TSPAN18: variants seen among roughly 807,000 people sequenced by gnomAD.
TSPAN18 encodes tetraspanin-18.
A neutral mutation model predicts 27.3 loss-of-function variants in TSPAN18; 14 were observed. That is an observed-to-expected ratio of 0.51 (90% CI 0.34 to 0.80). The LOEUF (loss-of-function observed/expected upper bound fraction) is 0.80, where lower values mean the gene tolerates loss of function less well. TSPAN18 is among the 30% of genes least tolerant of loss of function. The probability of loss-of-function intolerance (pLI) is 0.01; values close to 1 mark genes in which losing one functional copy is unlikely to be tolerated. For missense variants in TSPAN18, 268 were observed against 323.9 expected (o/e 0.83, Z 1.32); for synonymous variants, 143 against 136.5 (o/e 1.05, Z -0.33).
At chr11:44,837,447 T>C (rs1476625783) in intron 2 of TSPAN18, among the ~76,000 whole-genome samples, 2 of 152,326 alleles carry the variant, frequency 1.3e-5, no homozygotes. Flanking sequence ...TGGAAACTAC[T>C]CCTGGTAAAG....
intron 5 of TSPAN18, among the ~76,000 whole-genome samples, chr11:44,917,024 C>T (rs1438740770): frequency 6.6e-6 from 1 of 152,218 alleles, no homozygotes; most frequent in East Asian, 1.9e-4. Context: ...GCGAGTGCTC[C>T]ACCCCGGCTC....
rs192771323 is a variant in TSPAN18 at position 44,739,111 on chromosome 11, C to T, written c.-240+11824C>T. 4.6e-5 allele frequency among the ~76,000 whole-genome samples: 7 copies of T among 152,276 alleles called. No homozygotes were observed. In the East Asian group the frequency reaches 5.8e-4, roughly 13 times the overall value. ...GACTTCTCTCCTGGCCCTTTGCTCC[C>T]GTCCAGCCTTGAATCCCTCGTTTGG... On this transcript the variant is annotated intron_variant, in intron 1 of 9. Coordinates refer to ENST00000520358, the MANE Select transcript of TSPAN18 (RefSeq NM_130783.5).
chr11:44,784,430 A>T (rs1856008762), intron 2 of TSPAN18, among the ~76,000 whole-genome samples: 1 of 151,998 alleles, frequency 6.6e-6, no homozygotes. Context: ...TCCATCCATT[A>T]CCTCTCCACA....
intron 3 of TSPAN18, among the ~76,000 whole-genome samples, chr11:44,884,594 C>T (rs899813702): frequency 6.6e-6 from 1 of 152,232 alleles, no homozygotes; most frequent in African/African-American, 2.4e-5. Context: ...CCAGGAGTCA[C>T]GGCCAGAGCT....
chr11:44,921,153 T>G (rs1405926695), intron 8 of TSPAN18, among the ~76,000 whole-genome samples: 8 of 152,134 alleles, frequency 5.3e-5, no homozygotes, highest in Non-Finnish European at 1.2e-4. Context: ...CCTGCCTTCC[T>G]GCATTGGGGG....
intron 1 of TSPAN18, among the ~76,000 whole-genome samples, chr11:44,739,913 A>G (rs138727826): frequency 4.3e-4 from 66 of 152,288 alleles, no homozygotes; most frequent in African/African-American, 1.5e-3. Context: ...ACCATGGGAC[A>G]TGGGAGAGGC....
At chr11:44,829,217 G>T (rs1172324604) in intron 2 of TSPAN18, among the ~76,000 whole-genome samples, 1 of 152,150 alleles carries the variant, frequency 6.6e-6, no homozygotes, top group East Asian at 1.9e-4. Flanking sequence ...TCCATTAGGG[G>T]TCCCTCTTTG....
chr11:44,885,124 A>G (rs1215494193), intron 3 of TSPAN18, among the ~76,000 whole-genome samples: 1 of 152,132 alleles, frequency 6.6e-6, no homozygotes, highest in African/African-American at 2.4e-5. Context: ...TAGGTATTAT[A>G]TGGCCCCTTA....
intron 1 of TSPAN18, among the ~76,000 whole-genome samples, chr11:44,735,082 G>A (rs529492000): frequency 3.9e-5 from 6 of 152,198 alleles, no homozygotes; most frequent in Admixed American, 2.6e-4. Flanking sequence ...TCTGAGATGC[G>A]CATTCTTCTC....
chr11:44,814,482 C>T (rs563128422), intron 2 of TSPAN18, among the ~76,000 whole-genome samples: 6 of 152,302 alleles, frequency 3.9e-5, no homozygotes, highest in African/African-American at 1.4e-4. Flanking sequence ...AAAGCATTGA[C>T]TAGTCCCAGT....
intron 9 of TSPAN18, among the ~76,000 whole-genome samples, chr11:44,928,723 T>G (rs1405207351): frequency 1.3e-5 from 2 of 151,992 alleles, no homozygotes; most frequent in African/African-American, 2.4e-5. Flanking sequence ...GAGGCAGAGG[T>G]TGCAGTGAGC....
At chr11:44,928,029 C>T (rs1432522929) in intron 9 of TSPAN18, among the ~76,000 whole-genome samples, 2 of 152,204 alleles carry the variant, frequency 1.3e-5, no homozygotes, top group Non-Finnish European at 1.5e-5. Flanking sequence ...TACATGGCCC[C>T]GTCCCGGTAG....
At chr11:44,893,803 G>A (rs539650400) in intron 3 of TSPAN18, among the ~76,000 whole-genome samples, 12 of 152,256 alleles carry the variant, frequency 7.9e-5, no homozygotes, top group South Asian at 4.1e-4. Context: ...ATTGCCTTGC[G>A]TTAATATCAG....
intron 1 of TSPAN18, among the ~76,000 whole-genome samples, chr11:44,762,230 G>T (rs1422216978): frequency 6.6e-6 from 1 of 152,220 alleles, no homozygotes; most frequent in African/African-American, 2.4e-5. Flanking sequence ...ATTCGACACA[G>T]CCATGGTGGG....
intron 4 of TSPAN18, among the ~76,000 whole-genome samples, chr11:44,909,335 T>C (rs1309032284): frequency 1.3e-5 from 2 of 151,972 alleles, no homozygotes; most frequent in African/African-American, 2.4e-5. Flanking sequence ...CTTCAGCAAG[T>C]TGTTGGTTCC....
rs767084063 is a variant in TSPAN18, at chr11:44,909,810, A to G, written c.169A>G (p.Ile57Val). Residue 57 changes from isoleucine to valine, a missense_variant, in exon 5 of 10, where the codon ATC becomes GTC. Physicochemically the swap from Ile to Val is conservative, Grantham distance 29. Coordinates refer to ENST00000520358, the MANE Select transcript of TSPAN18 (RefSeq NM_130783.5). Reference sequence around the variant, plus strand: ...TCCTCTGCTCCTCACGGGCGCCTACATCCTCCTGGCCATGGGGGGCCTGCT... The same window carrying G: ...TCCTCTGCTCCTCACGGGCGCCTACGTCCTCCTGGCCATGGGGGGCCTGCT... ...ANPLLLTGAY[I>V]LLAMGGLLFL... The G allele has an allele frequency of 1.2e-6, 2 of 1,613,782 alleles. No individual in the cohort carries two copies. Among genetic ancestry groups the G allele is most frequent in the Non-Finnish European group, 1.7e-6 (2 of 1,179,918 alleles).
chr11:44,913,143 C>T (rs1859785542), intron 5 of TSPAN18, among the ~76,000 whole-genome samples: 1 of 152,236 alleles, frequency 6.6e-6, no homozygotes, highest in South Asian at 2.1e-4. Flanking sequence ...TCACTGCTTT[C>T]TCAGCCTGTC....
At chr11:44,852,761 C>A (rs1207313776) in intron 2 of TSPAN18, among the ~76,000 whole-genome samples, 2 of 152,166 alleles carry the variant, frequency 1.3e-5, no homozygotes, top group South Asian at 2.1e-4. Context: ...GGTTACTATG[C>A]CCAAAAGGAT....
intron 3 of TSPAN18, among the ~76,000 whole-genome samples, chr11:44,904,593 C>T (rs1414158926): frequency 6.6e-6 from 1 of 152,198 alleles, no homozygotes; most frequent in Non-Finnish European, 1.5e-5. Context: ...GCTCCTCTCT[C>T]CATGGATTCA....
Sources: allele counts gnomAD v4.1 joint callset (sites outside exome capture counted in the v4.1 genomes callset), GRCh38; gene constraint gnomAD v4.1.1; transcripts MANE v1.5; gene names NCBI Gene and HGNC (gene_info 2026-07-23, HGNC 2026-07-21).